SRGAP2C: variants seen among roughly 807,000 people sequenced by gnomAD.
The protein encoded by SRGAP2C is SLIT-ROBO Rho GTPase activating protein 2C, also known as SLIT-ROBO Rho GTPase-activating protein 2C.
In SRGAP2C, 15 loss-of-function variants were observed where a neutral mutation model predicts 25.1. That is an observed-to-expected ratio of 0.60 (90% CI 0.40 to 0.92). The LOEUF is 0.92. SRGAP2C is among the 40% of genes least tolerant of loss of function. The pLI is 0.00. For synonymous variants in SRGAP2C, 44 were observed against 96.6 expected (o/e 0.46, Z 3.19); for missense variants, 144 against 264.4 (o/e 0.54, Z 3.16).
chr1:121,263,019 T>A (rs1264197826), intron 2 of SRGAP2C, among the ~76,000 whole-genome samples: 1 of 151,842 alleles, frequency 6.6e-6, no homozygotes, highest in Admixed American at 6.6e-5. Context: ...TTTAAAACCA[T>A]TTTTTTATCA....
At chr1:121,201,477 G>T (rs1305702914) in intron 2 of SRGAP2C, among the ~76,000 whole-genome samples, 1 of 151,814 alleles carries the variant, frequency 6.6e-6, no homozygotes, top group Non-Finnish European at 1.5e-5. Flanking sequence ...AGTAGCAAAA[G>T]AGTTAATCAT....
At chr1:121,286,785 GTTTCCAACCTTA>G (rs1358665646) in intron 3 of SRGAP2C, among the ~76,000 whole-genome samples, 4 of 150,266 alleles carry the variant, frequency 2.7e-5, no homozygotes, top group African/African-American at 9.7e-5. Context: ...CCTCAAACAG[GTTTCCAACCTTA>G]TTTCTTGTTT....
At chr1:121,372,079 T>C (rs1313029179) in intron 5 of SRGAP2C, among the ~76,000 whole-genome samples, 3 of 151,826 alleles carry the variant, frequency 2.0e-5, no homozygotes, top group Non-Finnish European at 2.9e-5. Context: ...TGAAGAGTAT[T>C]ATCCTGGTAA....
Position 121,327,151 on chromosome 1 carries a change from AC to A in SRGAP2C, c.423+2513del, listed in dbSNP as rs1348994971. Among the ~76,000 whole-genome samples, 6 of 142,388 alleles carry A rather than the reference AC, an allele frequency of 4.2e-5. No homozygotes were observed. In the East Asian group the frequency reaches 1.3e-3, roughly 32 times the overall value. 93.4% of individuals were successfully genotyped at this position (142,388 alleles called of 152,430 possible). On this transcript the variant is annotated intron_variant, in intron 4 of 9. Transcript: ENST00000367123. ...ATCATAAAAATAGATTGAGCCAAGC[AC>A]CATGGATCATTCCTGTAATCCCAAC...
At position 121,374,983 on chromosome 1, in the gene SRGAP2C, G is replaced by C. The variant is rs782216072; in HGVS notation, c.831+29G>C. The C allele has an allele frequency of 9.1e-6, 7 of 768,786 alleles. No individual in the cohort carries two copies. In the East Asian group the frequency reaches 1.7e-4, roughly 19 times the overall value. 47.6% of individuals were successfully genotyped at this position (768,786 alleles called of 1,614,324 possible). On this transcript the variant is annotated intron_variant, in intron 7 of 9. Transcript: ENST00000367123. ...AGTGCTTAAAGCCAAGGGCCTGAGG[G>C]CCCCTCTTTTCTGGTTTCAGAATAC...
At chr1:121,202,210 T>C (rs1400807081) in intron 2 of SRGAP2C, among the ~76,000 whole-genome samples, 1 of 152,068 alleles carries the variant, frequency 6.6e-6, no homozygotes, top group East Asian at 1.9e-4. Flanking sequence ...GGCCACACCC[T>C]CTATACAGAC....
chr1:121,222,256 T>C (rs1239965060), intron 2 of SRGAP2C, among the ~76,000 whole-genome samples: 2 of 152,154 alleles, frequency 1.3e-5, no homozygotes, highest in Non-Finnish European at 2.9e-5. Context: ...CTAAAGCCTA[T>C]GCTTTTCCCA....
At chr1:121,371,128 A>C (rs1319652088) in intron 5 of SRGAP2C, among the ~76,000 whole-genome samples, 1 of 148,320 alleles carries the variant, frequency 6.7e-6, no homozygotes, top group Non-Finnish European at 1.5e-5. Flanking sequence ...TTGCCTATCT[A>C]TATATAGATA....
chr1:121,297,556 C>A (rs1657623080), intron 3 of SRGAP2C, among the ~76,000 whole-genome samples: 3 of 148,750 alleles, frequency 2.0e-5, no homozygotes. Context: ...GTATATACAG[C>A]ACTAGCTAAT....
intron 3 of SRGAP2C, among the ~76,000 whole-genome samples, chr1:121,293,872 C>G (rs1657541569): frequency 1.0e-5 from 1 of 97,994 alleles, no homozygotes; most frequent in Non-Finnish European, 2.1e-5. Flanking sequence ...AACTATTCAA[C>G]TTGGGATGCA....
At chr1:121,365,988 G>A (rs2101650921) in intron 5 of SRGAP2C, among the ~76,000 whole-genome samples, 1 of 144,526 alleles carries the variant, frequency 6.9e-6, no homozygotes, top group Non-Finnish European at 1.5e-5. Context: ...GATGCCTGTG[G>A]CTGGTGCGTG....
intron 4 of SRGAP2C, among the ~76,000 whole-genome samples, chr1:121,350,431 C>T (rs1658871790): frequency 1.4e-5 from 2 of 148,092 alleles, no homozygotes; most frequent in African/African-American, 2.5e-5. Flanking sequence ...AATAATTAGG[C>T]CTATGAGGAA....
At chr1:121,238,858 T>C (rs1363810085) in intron 2 of SRGAP2C, among the ~76,000 whole-genome samples, 4 of 141,886 alleles carry the variant, frequency 2.8e-5, no homozygotes, top group East Asian at 4.1e-4. Flanking sequence ...CATGGCTTGC[T>C]GCAGCCTCAC....
intron 2 of SRGAP2C, among the ~76,000 whole-genome samples, chr1:121,207,500 G>T (rs1489714295): frequency 6.6e-6 from 1 of 152,026 alleles, no homozygotes; most frequent in Admixed American, 6.5e-5. Flanking sequence ...GGGGAGTGTG[G>T]GAGAGGCTGA....
intron 2 of SRGAP2C, among the ~76,000 whole-genome samples, chr1:121,271,694 A>G (rs1558102935): frequency 1.1e-5 from 1 of 91,410 alleles, no homozygotes; most frequent in African/African-American, 4.4e-5. Context: ...GTTCATGACT[A>G]AGGATAAATG....
intron 2 of SRGAP2C, among the ~76,000 whole-genome samples, chr1:121,192,509 A>G (rs1210886538): frequency 1.3e-5 from 2 of 150,266 alleles, no homozygotes; most frequent in Non-Finnish European, 3.0e-5. Flanking sequence ...GTGGTAGGCA[A>G]GGAGCCAGGG....
chr1:121,255,112 C>T (rs1420192014), intron 2 of SRGAP2C, among the ~76,000 whole-genome samples: 2 of 151,792 alleles, frequency 1.3e-5, no homozygotes, highest in East Asian at 3.9e-4. Context: ...GATACTGACA[C>T]TAGAAATAAG....
intron 2 of SRGAP2C, among the ~76,000 whole-genome samples, chr1:121,219,497 T>C (rs1485749618): frequency 1.2e-4 from 1 of 8,470 alleles, no homozygotes; most frequent in African/African-American, 7.0e-4. Flanking sequence ...TCAGAAGTAC[T>C]AACTAGACAT....
chr1:121,280,270 A>T (rs1442821088), intron 2 of SRGAP2C, among the ~76,000 whole-genome samples: 1 of 150,234 alleles, frequency 6.7e-6, no homozygotes, highest in African/African-American at 2.4e-5. Flanking sequence ...TGTCATTTTT[A>T]AAAAAACATA....
Sources: gnomAD v4.1 joint callset for allele counts (sites outside exome capture counted in the v4.1 genomes callset) on GRCh38, gnomAD v4.1.1 for gene constraint, MANE v1.5 for transcripts, NCBI Gene and HGNC (gene_info 2026-07-23, HGNC 2026-07-21) for gene names.